ROBO1: variants seen among roughly 807,000 people sequenced by gnomAD.
The protein encoded by ROBO1 is roundabout homolog 1.
A neutral mutation model predicts 195.9 loss-of-function variants in ROBO1; 149 were observed. The observed-to-expected ratio is 0.76, with a 90% confidence interval of 0.67 to 0.87. The LOEUF (loss-of-function observed/expected upper bound fraction) is 0.87. Among genes scored for constraint, ROBO1 ranks in the 40% least tolerant of loss-of-function variants. ROBO1 has a pLI of 0.00. For missense variants in ROBO1, 1,933 were observed against 2,068.3 expected, an observed-to-expected ratio of 0.93 and a Z score of 1.27; for synonymous variants, 816 against 733.2, an observed-to-expected ratio of 1.11 and a Z score of -1.82.
intron 3 of ROBO1, among the ~76,000 whole-genome samples, chr3:78,940,075 TC>T (rs2040051075): frequency 6.6e-6 from 1 of 152,218 alleles, no homozygotes; most frequent in Non-Finnish European, 1.5e-5. Context: ...CAAAGATTTC[TC>T]AAATTCAACA....
At chr3:79,709,855 T>C (rs1219091316) in intron 1 of ROBO1, among the ~76,000 whole-genome samples, 1 of 152,128 alleles carries the variant, frequency 6.6e-6, no homozygotes, top group Non-Finnish European at 1.5e-5. Context: ...CCTTGCCCGT[T>C]TATTACACCA....
intron 1 of ROBO1, among the ~76,000 whole-genome samples, chr3:79,753,175 C>T (rs1167606499): frequency 6.6e-6 from 1 of 152,096 alleles, no homozygotes; most frequent in African/African-American, 2.4e-5. Flanking sequence ...CTGTGGTTCT[C>T]AACTTTGCTG....
intron 1 of ROBO1, among the ~76,000 whole-genome samples, chr3:79,668,968 G>T (rs1382113184): frequency 1.3e-5 from 2 of 151,792 alleles, no homozygotes; most frequent in African/African-American, 4.8e-5. Flanking sequence ...TGTGTACAAT[G>T]GTGGTCCCAT....
Position 78,651,813 on chromosome 3 carries a change from G to T in ROBO1, c.2731C>A (p.Leu911Ile), listed in dbSNP as rs2107620123. 1 of 1,613,732 alleles carries T rather than the reference G, an allele frequency of 6.2e-7. No homozygotes were observed. The highest frequency in any genetic ancestry group is 2.2e-5 in the East Asian group (1 of 44,854). The stretch of plus-strand genomic sequence containing the variant: ...TAAAGCCAGATGCTGAAGACCATGA[G>T]GATGATCCAACAGGCTGCTCCAATA... ...AGIGAACWIILMVFSIWLYRH... is the reference protein window; with the variant it reads ...AGIGAACWIIIMVFSIWLYRH... Residue 911 changes from leucine (L) to isoleucine (I), a missense_variant, in exon 19 of 31, where the codon CTC becomes ATC. Transcript: ENST00000464233.
At chr3:78,808,587 C>T (rs1342445243) in intron 4 of ROBO1, among the ~76,000 whole-genome samples, 1 of 152,116 alleles carries the variant, frequency 6.6e-6, no homozygotes, top group Non-Finnish European at 1.5e-5. Context: ...CAAAGATTTT[C>T]AAATTATATG....
At chr3:78,848,141 G>C (rs2033791401) in intron 4 of ROBO1, among the ~76,000 whole-genome samples, 1 of 151,940 alleles carries the variant, frequency 6.6e-6, no homozygotes, top group Non-Finnish European at 1.5e-5. Context: ...CAACAACCAA[G>C]GAAATATGTT....
At chr3:79,318,206 T>C (rs1232499693) in intron 2 of ROBO1, among the ~76,000 whole-genome samples, 1 of 152,180 alleles carries the variant, frequency 6.6e-6, no homozygotes, top group African/African-American at 2.4e-5. Flanking sequence ...ATTAATCTCA[T>C]CCAAATACTC....
chr3:78,641,883 A>G (rs2107570740), intron 21 of ROBO1, among the ~76,000 whole-genome samples: 2 of 152,362 alleles, frequency 1.3e-5, no homozygotes, highest in East Asian at 3.9e-4. Flanking sequence ...AAGCTGACTT[A>G]TCGATTTACA....
intron 12 of ROBO1, 42 bp from the exon 13 acceptor site, chr3:78,668,344 A>C (rs780859103): frequency 6.2e-7 from 1 of 1,608,594 alleles, no homozygotes; most frequent in Non-Finnish European, 8.5e-7. Flanking sequence ...ATGTTTACAC[A>C]TACACAGATA....
At chr3:79,320,584 C>T (rs1333058674) in intron 2 of ROBO1, among the ~76,000 whole-genome samples, 4 of 152,174 alleles carry the variant, frequency 2.6e-5, no homozygotes, top group Non-Finnish European at 5.9e-5. Context: ...CTCACCTGGG[C>T]TTCCCAAAGA....
chr3:79,046,398 AC>A (rs1559618050), intron 3 of ROBO1, among the ~76,000 whole-genome samples: 2 of 152,148 alleles, frequency 1.3e-5, no homozygotes, highest in Admixed American at 6.6e-5. Flanking sequence ...AGTTAAAGGC[AC>A]CCAGCTAAGC....
intron 2 of ROBO1, among the ~76,000 whole-genome samples, chr3:79,307,280 C>A (rs1322027744): frequency 6.6e-6 from 1 of 152,006 alleles, no homozygotes; most frequent in Non-Finnish European, 1.5e-5. Context: ...TAGACATTAT[C>A]CATTTACAGG....
chr3:79,179,681 A>T (rs1011654084), intron 2 of ROBO1, among the ~76,000 whole-genome samples: 1 of 152,236 alleles, frequency 6.6e-6, no homozygotes, highest in Non-Finnish European at 1.5e-5. Flanking sequence ...AAAGCTGAGT[A>T]ATAAAGTTGC....
intron 3 of ROBO1, among the ~76,000 whole-genome samples, chr3:78,995,717 G>C (rs1039605494): frequency 1.3e-5 from 2 of 149,880 alleles, no homozygotes; most frequent in Non-Finnish European, 3.0e-5. Context: ...AGTGAACTAT[G>C]ATGGTGCCAC....
Position 78,598,718 on chromosome 3 carries a change from G to A in ROBO1, c.*195C>T. 7.5e-6 allele frequency: 3 copies of A among 401,522 alleles called. No homozygotes were observed. Among genetic ancestry groups the A allele is most frequent in the Non-Finnish European group, 1.3e-5 (3 of 224,778 alleles). 24.9% of individuals were successfully genotyped at this position (401,522 alleles called of 1,614,324 possible). On this transcript the variant is annotated 3_prime_UTR_variant, in exon 31 of 31. Transcript: ENST00000464233. The stretch of plus-strand genomic sequence containing the variant: ...AGCGAGGGGAATAGGAAGGCTCTTT[G>A]TAGGGTTAGGGATCAAACAACAACA...
chr3:79,571,249 T>A (rs1652547004), intron 2 of ROBO1, among the ~76,000 whole-genome samples: 1 of 152,088 alleles, frequency 6.6e-6, no homozygotes, highest in Non-Finnish European at 1.5e-5. Context: ...GTAAAATCCC[T>A]GCATATCTAG....
chr3:79,200,822 A>T (rs1369709607), intron 2 of ROBO1, among the ~76,000 whole-genome samples: 2 of 151,984 alleles, frequency 1.3e-5, no homozygotes, highest in Non-Finnish European at 2.9e-5. Flanking sequence ...ACATTTTTTT[A>T]AAAAATCTTT....
intron 2 of ROBO1, among the ~76,000 whole-genome samples, chr3:79,322,489 C>T (rs950939505): frequency 7.2e-5 from 11 of 152,164 alleles, no homozygotes; most frequent in African/African-American, 2.2e-4. Context: ...GGAGGCATCA[C>T]ATAGACTAGG....
At chr3:79,609,627 T>G (rs1944593467) in intron 1 of ROBO1, among the ~76,000 whole-genome samples, 1 of 151,770 alleles carries the variant, frequency 6.6e-6, no homozygotes. Context: ...GGTGAACAAA[T>G]AAACAAAATG....
Sources: gnomAD v4.1 joint callset for allele counts (sites outside exome capture counted in the v4.1 genomes callset) on GRCh38, gnomAD v4.1.1 for gene constraint, MANE v1.5 for transcripts, NCBI Gene and HGNC (gene_info 2026-07-23, HGNC 2026-07-21) for gene names.